The following XPR1 variants were observed in gnomAD, a reference collection of about 807,000 sequenced individuals.
XPR1 encodes xenotropic and polytropic retrovirus receptor 1, also known as solute carrier family 53 member 1.
XPR1 carries 28 observed loss-of-function variants against 87.5 expected under a neutral mutation model. The ratio of observed to expected loss-of-function variants is 0.32; its 90% CI spans 0.24 to 0.44. The LOEUF is 0.44. Among genes scored for constraint, XPR1 ranks in the 20% least tolerant of loss-of-function variants. XPR1 has a pLI of 1.00. For synonymous variants in XPR1, 300 were observed against 306.1 expected (o/e 0.98, Z 0.21); for missense variants, 559 against 862.3 (o/e 0.65, Z 4.41).
intron 2 of XPR1, among the ~76,000 whole-genome samples, chr1:180,730,817 C>T (rs1658533876): frequency 6.8e-6 from 1 of 146,464 alleles, no homozygotes; most frequent in African/African-American, 2.5e-5. Flanking sequence ...TGTTCACCAC[C>T]ATGCCCAGCT....
intron 2 of XPR1, among the ~76,000 whole-genome samples, chr1:180,780,552 A>C (rs1558004946): frequency 6.6e-6 from 1 of 152,158 alleles, no homozygotes. Context: ...ATATTTTCTA[A>C]AAGAGATGCA....
intron 2 of XPR1, among the ~76,000 whole-genome samples, chr1:180,711,639 T>C (rs1327580486): frequency 6.6e-6 from 1 of 152,130 alleles, no homozygotes; most frequent in African/African-American, 2.4e-5. Context: ...GAGTTCTTTT[T>C]ATATTTTAGA....
At chr1:180,864,697 A>T (rs1053532360) in intron 12 of XPR1, among the ~76,000 whole-genome samples, 2 of 152,164 alleles carry the variant, frequency 1.3e-5, no homozygotes, top group Non-Finnish European at 2.9e-5. Context: ...ATAAAAAGAC[A>T]AGAGGGGCTG....
At chr1:180,751,234 C>T (rs1647524651) in intron 2 of XPR1, among the ~76,000 whole-genome samples, 1 of 151,740 alleles carries the variant, frequency 6.6e-6, no homozygotes, top group Admixed American at 6.6e-5. Flanking sequence ...ATCAATATGC[C>T]TTATATTTTT....
intron 2 of XPR1, among the ~76,000 whole-genome samples, chr1:180,768,943 A>G (rs1017929039): frequency 6.6e-6 from 1 of 152,244 alleles, no homozygotes; most frequent in Non-Finnish European, 1.5e-5. Flanking sequence ...TTGAAAGAAC[A>G]GAATATTCAG....
intron 11 of XPR1, among the ~76,000 whole-genome samples, chr1:180,836,951 T>A (rs1194053369): frequency 6.6e-6 from 1 of 152,236 alleles, no homozygotes; most frequent in Non-Finnish European, 1.5e-5. Context: ...TTTGTGATAA[T>A]GTTTAAAATT....
chr1:180,817,998 T>C (rs61811221), intron 7 of XPR1, among the ~76,000 whole-genome samples: 8,045 of 133,894 alleles, frequency 0.06, 310 homozygotes, highest in Non-Finnish European at 0.087. Context: ...CACTCCAGGA[T>C]ATAAGTGAAA....
intron 9 of XPR1, among the ~76,000 whole-genome samples, chr1:180,826,557 AAAACAAAGAAAG>A (rs1246963927): frequency 6.6e-6 from 1 of 152,210 alleles, no homozygotes. Flanking sequence ...TCTAAAGGAA[AAAACAAAGAAAG>A]AAACAAAGAA....
At chr1:180,686,710 A>G (rs184632382) in intron 2 of XPR1, among the ~76,000 whole-genome samples, 6 of 152,334 alleles carry the variant, frequency 3.9e-5, no homozygotes, top group Non-Finnish European at 7.3e-5. Flanking sequence ...TAATACCTTT[A>G]TAAGACACCA....
chr1:180,861,814 GC>G (rs1269526369), intron 11 of XPR1, among the ~76,000 whole-genome samples: 1 of 152,010 alleles, frequency 6.6e-6, no homozygotes, highest in Non-Finnish European at 1.5e-5. Flanking sequence ...CCTAGTGTTT[GC>G]TGATTTCCAC....
At chr1:180,632,862 A>G (rs1221254180) in intron 1 of XPR1, among the ~76,000 whole-genome samples, 1 of 152,220 alleles carries the variant, frequency 6.6e-6, no homozygotes, top group Non-Finnish European at 1.5e-5. Context: ...TCACATATGT[A>G]GTGGTTATAG....
intron 1 of XPR1, among the ~76,000 whole-genome samples, chr1:180,671,323 C>G (rs1656161187): frequency 6.6e-6 from 1 of 152,050 alleles, no homozygotes; most frequent in African/African-American, 2.4e-5. Context: ...GTGGTTAAAC[C>G]AGTTAAAATT....
At chr1:180,683,239 G>C (rs1246959753) in intron 2 of XPR1, among the ~76,000 whole-genome samples, 1 of 151,736 alleles carries the variant, frequency 6.6e-6, no homozygotes. Flanking sequence ...CCTTGCGATA[G>C]TTTGCTGAGA....
chr1:180,811,342 T>C, intron 6 of XPR1, 65 bp from the exon 7 acceptor site: 1 of 1,265,552 alleles, frequency 7.9e-7, no homozygotes, highest in South Asian at 1.3e-5. Flanking sequence ...ACTATTTTAT[T>C]ACAGCATATA....
At chr1:180,699,196 T>G (rs1657269428) in intron 2 of XPR1, among the ~76,000 whole-genome samples, 1 of 146,684 alleles carries the variant, frequency 6.8e-6, no homozygotes, top group Admixed American at 6.9e-5. Context: ...TTCTTTAGTT[T>G]CTTTTATTCT....
At chr1:180,635,300 A>G (rs960301259) in intron 1 of XPR1, among the ~76,000 whole-genome samples, 1 of 152,208 alleles carries the variant, frequency 6.6e-6, no homozygotes, top group African/African-American at 2.4e-5. Flanking sequence ...GACATGTAAA[A>G]TAGAACACCG....
intron 6 of XPR1, 145 bp downstream of exon 6, chr1:180,806,702 A>G (rs1271214973): frequency 1.7e-6 from 1 of 574,626 alleles, no homozygotes; most frequent in African/African-American, 1.9e-5. Context: ...TTTAAACATT[A>G]TATGCTATAT....
At chr1:180,804,274 C>T (rs1219180255) in intron 4 of XPR1, among the ~76,000 whole-genome samples, 1 of 152,148 alleles carries the variant, frequency 6.6e-6, no homozygotes, top group Non-Finnish European at 1.5e-5. Flanking sequence ...ATGCTCCCAG[C>T]CTGTAAGGGC....
intron 2 of XPR1, among the ~76,000 whole-genome samples, chr1:180,684,637 A>G (rs1317822433): frequency 1.3e-5 from 2 of 152,034 alleles, no homozygotes; most frequent in Non-Finnish European, 1.5e-5. Flanking sequence ...ATGTTCTTCC[A>G]TTTTTTTGTA....
Sources: gnomAD v4.1 joint callset for allele counts (sites outside exome capture counted in the v4.1 genomes callset) on GRCh38, gnomAD v4.1.1 for gene constraint, MANE v1.5 for transcripts, NCBI Gene and HGNC (gene_info 2026-07-23, HGNC 2026-07-21) for gene names.